The following MOB1B variants were observed in gnomAD, a reference collection of about 807,000 sequenced individuals.
The protein encoded by MOB1B is MOB kinase activator 1B, also known as MOB1 Mps One Binder homolog B.
MOB1B carries 19 observed loss-of-function variants against 24.4 expected under a neutral mutation model. The ratio of observed to expected loss-of-function variants is 0.78; its 90% confidence interval spans 0.54 to 1.14. The LOEUF (loss-of-function observed/expected upper bound fraction) is 1.14, where lower values mean the gene tolerates loss of function less well. Among genes scored for constraint, MOB1B ranks in the 50% most tolerant of loss-of-function variants. The pLI is 0.00. For missense variants in MOB1B, 243 were observed against 259.6 expected (o/e 0.94, Z 0.44); for synonymous variants, 76 against 82.1 (o/e 0.93, Z 0.40).
At chr4:70,927,956 C>T (rs1736719122) in intron 1 of MOB1B, among the ~76,000 whole-genome samples, 1 of 152,180 alleles carries the variant, frequency 6.6e-6, no homozygotes, top group South Asian at 2.1e-4. Flanking sequence ...TTGCATTTCT[C>T]TCAACCTGCT....
chr4:70,907,261 C>G (rs1432092778), intron 1 of MOB1B, among the ~76,000 whole-genome samples: 1 of 152,134 alleles, frequency 6.6e-6, no homozygotes, highest in African/African-American at 2.4e-5. Context: ...GAACTCAGGT[C>G]TCCTGACGTA....
At chr4:70,902,664 G>C (rs1657663022) in intron 1 of MOB1B, 114 bp downstream of exon 1, 3 of 867,418 alleles carry the variant, frequency 3.5e-6, no homozygotes, top group Non-Finnish European at 4.5e-6. Context: ...CAGCGCTCCC[G>C]GGGCCCGGCG....
At chr4:70,920,451 C>T (rs1233550871) in intron 1 of MOB1B, among the ~76,000 whole-genome samples, 1 of 152,220 alleles carries the variant, frequency 6.6e-6, no homozygotes, top group Non-Finnish European at 1.5e-5. Context: ...TCTCGTACTC[C>T]TGACCTCAGG....
At chr4:70,936,788 A>G (rs1737104117) in intron 1 of MOB1B, among the ~76,000 whole-genome samples, 1 of 152,240 alleles carries the variant, frequency 6.6e-6, no homozygotes, top group Admixed American at 6.5e-5. Flanking sequence ...ACATACCCTC[A>G]TACTTGATTG....
At position 70,975,168 on chromosome 4, in the gene MOB1B, G is replaced by C; in HGVS notation, c.291G>C (p.Trp97Cys). The C allele has an allele frequency of 6.2e-7, 1 of 1,607,174 alleles. No individual in the cohort carries two copies. Among genetic ancestry groups the C allele is most frequent in the Non-Finnish European group, 8.5e-7 (1 of 1,177,386 alleles). Residue 97 changes from tryptophan (W) to cysteine (C), a missense_variant, in exon 4 of 6, where the codon TGG becomes TGC. By Grantham distance (215) the Trp-to-Cys change is radical (BLOSUM62 -2). Coordinates refer to ENST00000309395, the MANE Select transcript of MOB1B (RefSeq NM_173468.4). ...TCCAATGCAGATATGAGTATCATTG[G>C]GCAGATGGAACGAACATAAAGAAAC... ...MSAGPKYEYHWADGTNIKKPI... is the reference protein window; with the variant it reads ...MSAGPKYEYHCADGTNIKKPI...
upstream of MOB1B, among the ~76,000 whole-genome samples, chr4:70,902,080 C>T (rs951362615): frequency 1.3e-5 from 2 of 152,210 alleles, no homozygotes; most frequent in South Asian, 2.1e-4. Flanking sequence ...AGCTGAGCGG[C>T]TCCGAGAGCT....
chr4:70,955,324 G>A (rs548803409), intron 1 of MOB1B, among the ~76,000 whole-genome samples: 1 of 152,204 alleles, frequency 6.6e-6, no homozygotes, highest in African/African-American at 2.4e-5. Flanking sequence ...TCTCAGCCGT[G>A]TGCTAATTAA....
intron 1 of MOB1B, among the ~76,000 whole-genome samples, chr4:70,936,522 A>C (rs535741777): frequency 3.9e-5 from 6 of 152,228 alleles, no homozygotes; most frequent in Non-Finnish European, 8.8e-5. Flanking sequence ...GATCTTTTTG[A>C]ACAAACCTAT....
chr4:70,962,267 T>C (rs1172542643), intron 2 of MOB1B, among the ~76,000 whole-genome samples: 1 of 152,210 alleles, frequency 6.6e-6, no homozygotes, highest in Non-Finnish European at 1.5e-5. Flanking sequence ...CTCCCCAGGC[T>C]TCACGAATTA....
At chr4:70,911,935 C>G (rs1736002517) in intron 1 of MOB1B, among the ~76,000 whole-genome samples, 1 of 146,434 alleles carries the variant, frequency 6.8e-6, no homozygotes, top group East Asian at 2.0e-4. Context: ...CTCATTCTGT[C>G]TCCCAGGCTG....
intron 1 of MOB1B, among the ~76,000 whole-genome samples, chr4:70,917,983 A>G (rs1350042906): frequency 1.3e-5 from 2 of 152,212 alleles, no homozygotes; most frequent in Non-Finnish European, 2.9e-5. Context: ...GGTTATTTCT[A>G]TGGTTTACAA....
At chr4:70,942,910 A>G (rs1461500456) in intron 1 of MOB1B, 1 of 660,768 alleles carries the variant, frequency 1.5e-6, no homozygotes, top group East Asian at 1.3e-4. Flanking sequence ...TATTATATGA[A>G]TGTTTAAGAG....
chr4:70,956,404 AG>A (rs1738055147), intron 1 of MOB1B, among the ~76,000 whole-genome samples: 1 of 152,088 alleles, frequency 6.6e-6, no homozygotes, highest in Non-Finnish European at 1.5e-5. Flanking sequence ...CTGGTATTAC[AG>A]GGAAGAGCCA....
At chr4:70,959,706 C>T (rs1253416335) in intron 2 of MOB1B, among the ~76,000 whole-genome samples, 2 of 152,038 alleles carry the variant, frequency 1.3e-5, no homozygotes, top group South Asian at 2.1e-4. Flanking sequence ...ATTATTATTT[C>T]GGTTTAATAG....
intron 1 of MOB1B, among the ~76,000 whole-genome samples, chr4:70,925,514 C>A (rs917627596): frequency 6.6e-6 from 1 of 152,126 alleles, no homozygotes. Context: ...CCTCTGGTGA[C>A]AGAAAGTACT....
At chr4:70,913,918 CT>C (rs59264552) in intron 1 of MOB1B, among the ~76,000 whole-genome samples, 53 of 147,536 alleles carry the variant, frequency 3.6e-4, no homozygotes, top group Middle Eastern at 3.5e-3. Flanking sequence ...GGAATTTACT[CT>C]TTTTTTTTTT....
chr4:70,975,728 C>A, intron 4 of MOB1B: 2 of 978,188 alleles, frequency 2.0e-6, no homozygotes, highest in South Asian at 4.7e-5. Context: ...GAAGCCCTTT[C>A]AGTAGAAAGT....
intron 1 of MOB1B, among the ~76,000 whole-genome samples, chr4:70,939,214 A>G (rs970870062): frequency 6.6e-5 from 10 of 152,372 alleles, no homozygotes; most frequent in African/African-American, 2.4e-4. Flanking sequence ...CAAGAAAACT[A>G]TTGAAGATGT....
intron 2 of MOB1B, among the ~76,000 whole-genome samples, chr4:70,969,417 C>T (rs1738665057): frequency 6.6e-6 from 1 of 152,210 alleles, no homozygotes; most frequent in Non-Finnish European, 1.5e-5. Context: ...AGGTGTGATG[C>T]ATCGTGCCCA....
Sources: allele counts gnomAD v4.1 joint callset (sites outside exome capture counted in the v4.1 genomes callset), GRCh38; gene constraint gnomAD v4.1.1; transcripts MANE v1.5; gene names NCBI Gene and HGNC (gene_info 2026-07-23, HGNC 2026-07-21).